The following PFKFB3 variants were observed in gnomAD, a reference collection of about 807,000 sequenced individuals.
The protein encoded by PFKFB3 is 6-phosphofructo-2-kinase/fructose-2,6-biphosphatase 3, also known as 6-phosphofructo-2-kinase/fructose-2,6-bisphosphatase 3.
A neutral mutation model predicts 68.0 loss-of-function variants in PFKFB3; 33 were observed. That is an observed-to-expected ratio of 0.49 (90% confidence interval 0.37 to 0.65). The LOEUF (loss-of-function observed/expected upper bound fraction) is 0.65. Among genes scored for constraint, PFKFB3 ranks in the 30% least tolerant of loss-of-function variants. The pLI is 0.00. For missense variants in PFKFB3, 586 were observed against 712.2 expected, an observed-to-expected ratio of 0.82 and a Z score of 2.02; for synonymous variants, 315 against 288.2, an observed-to-expected ratio of 1.09 and a Z score of -0.94.
At chr10:6,283,502 C>A in the PFKFB3 span, among the ~76,000 whole-genome samples, 2 of 21,138 alleles carry the variant, frequency 9.5e-5, no homozygotes, top group African/African-American at 1.3e-4. Context: ...AACTTGGAGT[C>A]CAGTGTTTGA....
At chr10:6,205,197 T>C (rs1445416982) in intron 1 of PFKFB3, among the ~76,000 whole-genome samples, 2 of 144,184 alleles carry the variant, frequency 1.4e-5, no homozygotes, top group African/African-American at 2.4e-5. Context: ...ACATTCCTTC[T>C]TGTAAAAAGA....
intron 1 of PFKFB3, among the ~76,000 whole-genome samples, chr10:6,186,082 G>C (rs1396883077): frequency 6.6e-6 from 1 of 152,150 alleles, no homozygotes; most frequent in African/African-American, 2.4e-5. Flanking sequence ...GAATAGGAAG[G>C]TGATTGGTGG....
At chr10:6,266,475 A>T in the PFKFB3 span, among the ~76,000 whole-genome samples, 1 of 152,048 alleles carries the variant, frequency 6.6e-6, no homozygotes, top group Non-Finnish European at 1.5e-5. Context: ...TCGGTCCTAG[A>T]TCTGGTTGTA....
the PFKFB3 span, among the ~76,000 whole-genome samples, chr10:6,307,198 C>T: frequency 6.6e-6 from 1 of 152,166 alleles, no homozygotes; most frequent in African/African-American, 2.4e-5. Context: ...CATCAGCTAT[C>T]CTGGGTCTCT....
chr10:6,177,400 CT>C (rs1842519885), intron 1 of PFKFB3, among the ~76,000 whole-genome samples: 1 of 138,154 alleles, frequency 7.2e-6, no homozygotes, highest in African/African-American at 2.6e-5. Flanking sequence ...TTCTTTCTTT[CT>C]TTCTTTCTTC....
rs1199927608 is a variant in PFKFB3 at position 6,215,024 on chromosome 10, C to A, written c.203-197C>A. The stretch of plus-strand genomic sequence containing the variant: ...GGGCATTGCAGCTGGACTGGGGAAG[C>A]CGGGCAGCCTGTGCCCTGCTGTCCT... On this transcript the variant is annotated intron_variant, in intron 2 of 14. Transcript: ENST00000379775. The surrounding 1 kb of genome is among the most constrained non-coding windows in gnomAD (Gnocchi z 4.3). 6.6e-6 allele frequency among the ~76,000 whole-genome samples: 1 copy of A among 152,224 alleles called. No homozygotes were observed. The highest frequency in any genetic ancestry group is 1.5e-5 in the Non-Finnish European group (1 of 68,038).
the PFKFB3 span, among the ~76,000 whole-genome samples, chr10:6,290,143 T>A: frequency 1.3e-5 from 2 of 152,178 alleles, no homozygotes; most frequent in African/African-American, 4.8e-5. Flanking sequence ...AATCATGTCA[T>A]CTGCAAACAG....
At chr10:6,232,781 C>G in intron 14 of PFKFB3, 114 bp from the exon 15 acceptor site, 3 of 831,568 alleles carry the variant, frequency 3.6e-6, no homozygotes, top group Non-Finnish European at 4.0e-6. Context: ...TGTTCTTTGT[C>G]TGGGATGGAG....
intron 1 of PFKFB3, among the ~76,000 whole-genome samples, chr10:6,196,276 G>A (rs1218361660): frequency 5.3e-5 from 8 of 151,998 alleles, no homozygotes; most frequent in Non-Finnish European, 8.8e-5. Flanking sequence ...GACCACAGGC[G>A]CCTGCTACCA....
chr10:6,235,754 A>ATTTTTTTCT (rs1204521738), downstream of PFKFB3, among the ~76,000 whole-genome samples: 5 of 143,882 alleles, frequency 3.5e-5, no homozygotes, highest in East Asian at 2.0e-4. Flanking sequence ...TTTTAATTTA[A>ATTTTTTTCT]TTTTTTTCTT....
the PFKFB3 span, among the ~76,000 whole-genome samples, chr10:6,307,330 TACACACAC>T: frequency 7.9e-3 from 786 of 99,256 alleles, 5 homozygotes; most frequent in East Asian, 0.022. Context: ...GCATGCGTAC[TACACACAC>T]ACACACACAC....
chr10:6,245,348 G>T (rs1210943512), intron 14 of PFKFB3, among the ~76,000 whole-genome samples: 1 of 151,794 alleles, frequency 6.6e-6, no homozygotes, highest in Non-Finnish European at 1.5e-5. Flanking sequence ...GCCCGCCTTG[G>T]CCTCCCAAAG....
chr10:6,176,461 A>G (rs913846400), intron 1 of PFKFB3, among the ~76,000 whole-genome samples: 1 of 152,120 alleles, frequency 6.6e-6, no homozygotes, highest in Non-Finnish European at 1.5e-5. Flanking sequence ...AGGCTGGAGT[A>G]CAGTGGGCCC....
At chr10:6,217,333 G>T in intron 6 of PFKFB3, 142 bp downstream of exon 6, 1 of 770,298 alleles carries the variant, frequency 1.3e-6, no homozygotes. Flanking sequence ...CTGTTGATTG[G>T]GAGGTCAGAC....
At chr10:6,216,460 T>A (rs561268096) in intron 4 of PFKFB3, among the ~76,000 whole-genome samples, 146 of 151,656 alleles carry the variant, frequency 9.6e-4, no homozygotes, top group Admixed American at 2.2e-3. Context: ...CATTGCACAT[T>A]ACTGTTTTGC....
chr10:6,189,318 TC>T (rs1842964741), intron 1 of PFKFB3, among the ~76,000 whole-genome samples: 1 of 152,202 alleles, frequency 6.6e-6, no homozygotes, highest in Admixed American at 6.5e-5. Context: ...TTTTAGAATA[TC>T]CCTAATTTTT....
intron 1 of PFKFB3, among the ~76,000 whole-genome samples, chr10:6,172,501 A>T (rs1415642734): frequency 6.6e-6 from 1 of 152,228 alleles, no homozygotes; most frequent in Non-Finnish European, 1.5e-5. Flanking sequence ...TCACAGGGCC[A>T]GTATTCTTTT....
At chr10:6,159,655 G>A (rs1431921854) in intron 1 of PFKFB3, among the ~76,000 whole-genome samples, 7 of 148,760 alleles carry the variant, frequency 4.7e-5, no homozygotes, top group African/African-American at 1.7e-4. Flanking sequence ...TTACACCATT[G>A]CACTCCAGCC....
chr10:6,316,823 A>G, the PFKFB3 span, among the ~76,000 whole-genome samples: 7,724 of 152,194 alleles, frequency 0.051, 663 homozygotes, highest in African/African-American at 0.18. Context: ...CATATGAGGT[A>G]CAGTCTACCT....
Sources: allele counts gnomAD v4.1 joint callset (sites outside exome capture counted in the v4.1 genomes callset), GRCh38; gene constraint gnomAD v4.1.1; non-coding constraint Gnocchi (gnomAD v3.1); transcripts MANE v1.5; gene names NCBI Gene and HGNC (gene_info 2026-07-23, HGNC 2026-07-21).